CFTR: variants seen among roughly 807,000 people sequenced by gnomAD.
The protein encoded by CFTR is CF transmembrane conductance regulator, also known as cystic fibrosis transmembrane conductance regulator.
A neutral mutation model predicts 171.6 loss-of-function variants in CFTR; 181 were observed. The ratio of observed to expected loss-of-function variants is 1.05; its 90% CI spans 0.93 to 1.19. CFTR has a LOEUF of 1.19. Among genes scored for constraint, CFTR ranks in the 50% most tolerant of loss-of-function variants. The pLI, the probability that CFTR is intolerant of heterozygous loss-of-function variation, is 0.00. For missense variants in CFTR, 1,968 were observed against 1,734.7 expected, an observed-to-expected ratio of 1.13 and a Z score of -2.39; for synonymous variants, 583 against 608.0, an observed-to-expected ratio of 0.96 and a Z score of 0.60.
chr7:117,534,333 C>A lies in CFTR; in HGVS notation c.547C>A (p.Leu183Ile), dbSNP rs397508751. ...DKISIGQLVS[L>I]LSNNLNKFDE... ...AATAAGTATTGGACAACTTGTTAGT[C>A]TCCTTTCCAACAACCTGAACAAATT... Residue 183 changes from leucine to isoleucine, a missense_variant, in exon 5 of 27, where the codon CTC becomes ATC. Coordinates refer to ENST00000003084, the MANE Select transcript of CFTR (RefSeq NM_000492.4). The A allele has an allele frequency of 1.7e-4, 272 of 1,602,238 alleles. 2 individuals are homozygous for A. In the South Asian group the frequency reaches 2.8e-3, roughly 16 times the overall value.
chr7:117,552,930 C>A (rs1220203535), intron 10 of CFTR, among the ~76,000 whole-genome samples: 3 of 152,184 alleles, frequency 2.0e-5, no homozygotes, highest in East Asian at 3.9e-4. Flanking sequence ...AGGGTGGGGC[C>A]TTTGGGAGGT....
intron 16 of CFTR, among the ~76,000 whole-genome samples, chr7:117,603,087 T>C (rs1205941512): frequency 6.6e-6 from 1 of 152,166 alleles, no homozygotes; most frequent in Non-Finnish European, 1.5e-5. Flanking sequence ...GGAGGATCAC[T>C]TGAGCCCAGG....
intron 11 of CFTR, among the ~76,000 whole-genome samples, chr7:117,561,553 A>G (rs1044437285): frequency 2.6e-5 from 4 of 152,150 alleles, no homozygotes; most frequent in African/African-American, 9.6e-5. Flanking sequence ...GACATTTCAC[A>G]TAAATGAAAT....
chr7:117,542,540 C>G (rs1799073706), intron 9 of CFTR, among the ~76,000 whole-genome samples: 1 of 151,272 alleles, frequency 6.6e-6, no homozygotes, highest in African/African-American at 2.4e-5. Flanking sequence ...AGGCGAGACT[C>G]TGTCTGAAAA....
chr7:117,517,073 T>C (rs1040424621), intron 3 of CFTR, among the ~76,000 whole-genome samples: 4 of 152,156 alleles, frequency 2.6e-5, no homozygotes, highest in African/African-American at 9.7e-5. Flanking sequence ...AAAGAAACTA[T>C]CATCAGAGTG....
chr7:117,592,168 C>T lies in CFTR; in HGVS notation c.2001C>T (p.His667=), dbSNP rs772786141. The T allele has an allele frequency of 3.7e-6, 6 of 1,613,888 alleles. No homozygotes were observed. The highest frequency in any genetic ancestry group is 1.6e-4 in the Middle Eastern group (1 of 6,062). The part of the protein sequence containing the change: ...RRNSILTETL[H]RFSLEGDAPV... ...ATTCAATCCTAACTGAGACCTTACA[C>T]CGTTTCTCATTAGAAGGAGATGCTC... Residue 667 remains histidine (H), a synonymous_variant, in exon 14 of 27, where the codon CAC becomes CAT. Coordinates refer to ENST00000003084, the MANE Select transcript of CFTR (RefSeq NM_000492.4).
chr7:117,496,382 T>C (rs900581087), intron 1 of CFTR, among the ~76,000 whole-genome samples: 13 of 152,206 alleles, frequency 8.5e-5, no homozygotes, highest in Admixed American at 7.9e-4. Flanking sequence ...TTTATAATTT[T>C]CTTTAGAGAC....
At chr7:117,656,032 G>T (rs1793177702) in intron 24 of CFTR, among the ~76,000 whole-genome samples, 1 of 152,124 alleles carries the variant, frequency 6.6e-6, no homozygotes, top group Non-Finnish European at 1.5e-5. Context: ...TTCAACATAT[G>T]ACTTTGGCAG....
At chr7:117,577,928 A>G (rs1791794996) in intron 11 of CFTR, among the ~76,000 whole-genome samples, 1 of 152,150 alleles carries the variant, frequency 6.6e-6, no homozygotes. Context: ...ATCCCCTTTT[A>G]CTTATGCAGG....
At chr7:117,658,862 C>T (rs2116209224) in intron 24 of CFTR, among the ~76,000 whole-genome samples, 1 of 152,274 alleles carries the variant, frequency 6.6e-6, no homozygotes, top group African/African-American at 2.4e-5. Flanking sequence ...CCCAATAGTT[C>T]ATTCTGCTCT....
intron 3 of CFTR, among the ~76,000 whole-genome samples, chr7:117,520,512 C>G (rs1399182213): frequency 1.3e-5 from 2 of 151,646 alleles, no homozygotes; most frequent in African/African-American, 4.8e-5. Flanking sequence ...AGATGAGTAT[C>G]CAGTTTGTCC....
intron 3 of CFTR, among the ~76,000 whole-genome samples, chr7:117,509,426 T>C (rs144120188): frequency 6.6e-6 from 1 of 152,282 alleles, no homozygotes; most frequent in African/African-American, 2.4e-5. Flanking sequence ...CACATTATCT[T>C]ACTAGTACAT....
intron 22 of CFTR, among the ~76,000 whole-genome samples, chr7:117,634,765 T>C (rs548216378): frequency 1.3e-5 from 2 of 152,264 alleles, no homozygotes; most frequent in South Asian, 4.1e-4. Flanking sequence ...TTTCTAGCTA[T>C]CTTTCTGTTA....
chr7:117,490,312 TACACACACACACACACAC>T (rs3034759), intron 1 of CFTR, among the ~76,000 whole-genome samples: 157 of 136,882 alleles, frequency 1.1e-3, no homozygotes, highest in African/African-American at 4.1e-3. Context: ...GAACCAATGA[TACACACACACACACACAC>T]ACACACACAC....
chr7:117,534,972 C>A (rs1478531817), intron 5 of CFTR, among the ~76,000 whole-genome samples: 1 of 152,164 alleles, frequency 6.6e-6, no homozygotes, highest in East Asian at 1.9e-4. Flanking sequence ...GGACATGATA[C>A]TTAAGATGTC....
chr7:117,649,412 A>G (rs1436713909), intron 23 of CFTR, among the ~76,000 whole-genome samples: 1 of 149,406 alleles, frequency 6.7e-6, no homozygotes, highest in Non-Finnish European at 1.5e-5. Flanking sequence ...CTGTGTGTAT[A>G]TATACATATG....
intron 2 of CFTR, 53 bp downstream of exon 2, chr7:117,504,416 T>G: frequency 1.1e-6 from 1 of 922,658 alleles, no homozygotes; most frequent in South Asian, 1.4e-5. Context: ...TTATTAATTA[T>G]TTAGAGAAGA....
chr7:117,513,080 C>T (rs577362029), intron 3 of CFTR, among the ~76,000 whole-genome samples: 24 of 152,076 alleles, frequency 1.6e-4, no homozygotes, highest in Admixed American at 4.6e-4. Context: ...AGGTCTTTGG[C>T]CCCCTAAAGG....
At chr7:117,634,707 C>T (rs1792799928) in intron 22 of CFTR, among the ~76,000 whole-genome samples, 1 of 151,994 alleles carries the variant, frequency 6.6e-6, no homozygotes, top group Admixed American at 6.6e-5. Context: ...TCTCTTTTGA[C>T]CCATGTGTTA....
Sources: gnomAD v4.1 joint callset for allele counts (sites outside exome capture counted in the v4.1 genomes callset) on GRCh38, gnomAD v4.1.1 for gene constraint, MANE v1.5 for transcripts, NCBI Gene and HGNC (gene_info 2026-07-23, HGNC 2026-07-21) for gene names.